Variants in GALC observed in about 807,000 individuals in gnomAD.
GALC encodes the protein galactosylceramidase, also known as galactocerebrosidase.
In GALC, 77 loss-of-function variants were observed where a neutral mutation model predicts 91.8. That is an observed-to-expected ratio of 0.84 (90% CI 0.70 to 1.01). GALC has a LOEUF of 1.01. Ranked by LOEUF, GALC falls within the 50% of genes least tolerant of loss-of-function variation. The pLI is 0.00. For synonymous variants in GALC, 357 were observed against 306.7 expected (o/e 1.16, Z -1.71); for missense variants, 882 against 855.9 (o/e 1.03, Z -0.38).
At chr14:87,985,991 T>C (rs1886952665) in intron 4 of GALC, among the ~76,000 whole-genome samples, 1 of 152,168 alleles carries the variant, frequency 6.6e-6, no homozygotes, top group African/African-American at 2.4e-5. Flanking sequence ...AAAAAACACT[T>C]TTGTATGTAC....
intron 6 of GALC, 124 bp from the exon 7 acceptor site, chr14:87,976,612 T>C: frequency 1.2e-6 from 1 of 807,044 alleles, no homozygotes; most frequent in Non-Finnish European, 2.0e-6. Flanking sequence ...TTCTTTTGTT[T>C]GTTTGTTTGT....
intron 12 of GALC, among the ~76,000 whole-genome samples, chr14:87,949,109 G>C (rs1052260973): frequency 1.1e-4 from 16 of 151,352 alleles, no homozygotes; most frequent in African/African-American, 3.7e-4. Flanking sequence ...TGGTGAGGAA[G>C]CGTCAGAGGA....
chr14:87,933,167 G>T lies in GALC; in HGVS notation c.*1565C>A, dbSNP rs528472380. On this transcript the variant is annotated 3_prime_UTR_variant, in exon 17 of 17. Coordinates refer to ENST00000261304, the MANE Select transcript of GALC (RefSeq NM_000153.4). ...ACAAATCTCAAATCATTATGCTGAT[G>T]GAAAGAAACCATTCATAAGAATACA... The T allele has an allele frequency of 1.3e-5, 2 of 152,356 alleles. No homozygotes were observed. Among genetic ancestry groups the T allele is most frequent in the African/African-American group, 4.8e-5 (2 of 41,536 alleles). 9.4% of individuals were successfully genotyped at this position (152,356 alleles called of 1,614,324 possible). A position where few individuals can be genotyped will look rare whatever the true frequency, so the allele number is the denominator to read the frequency against.
At chr14:87,982,274 T>A (rs538892693) in intron 5 of GALC, 31 bp from the exon 6 acceptor site, 2 of 1,484,130 alleles carry the variant, frequency 1.3e-6, no homozygotes, top group Non-Finnish European at 9.4e-7. Flanking sequence ...AAAGTCTGAA[T>A]TGAAAGTTAC....
chr14:87,987,835 A>G (rs1887036819), intron 3 of GALC: 1 of 234,592 alleles, frequency 4.3e-6, no homozygotes, highest in Non-Finnish European at 8.2e-6. Flanking sequence ...TAACTGCTCA[A>G]TAAAATTCAA....
chr14:87,987,933 T>A (rs1007699907), intron 3 of GALC: 1 of 557,350 alleles, frequency 1.8e-6, no homozygotes, highest in Non-Finnish European at 3.2e-6. Flanking sequence ...AATAAGCAAT[T>A]TGAAGTTTGA....
At chr14:87,954,210 C>T in intron 10 of GALC, 2 of 1,559,964 alleles carry the variant, frequency 1.3e-6, no homozygotes, top group Non-Finnish European at 8.8e-7. Flanking sequence ...TCCTCCGAGG[C>T]AGCCTCAGAG....
In GALC at chr14:87,984,424, A is replaced by T. The variant is rs1886881987; in HGVS notation, c.552T>A (p.Arg184=). The change falls in exon 5 of 17, where the codon CGT becomes CGA. Residue 184 remains arginine, a synonymous_variant. Transcript: ENST00000261304. ...TATAATCAATGTCCAAATCATGGTAACGCTTGGCGCCCACAATCCAGGTCA... is the reference window on the plus strand; with the variant it reads ...TATAATCAATGTCCAAATCATGGTATCGCTTGGCGCCCACAATCCAGGTCA... ...YVVTWIVGAK[R]YHDLDIDYIG... 6.2e-7 allele frequency: 1 copy of T among 1,614,096 alleles called. No individual in the cohort carries two copies. Among genetic ancestry groups the T allele is most frequent in the Non-Finnish European group, 8.5e-7 (1 of 1,179,942 alleles).
chr14:87,942,287 A>T (rs769823559), intron 14 of GALC, among the ~76,000 whole-genome samples: 1 of 151,996 alleles, frequency 6.6e-6, no homozygotes, highest in African/African-American at 2.4e-5. Context: ...CACTTGGAGG[A>T]CCATTTTCCC....
chr14:87,934,120 A>C lies in GALC; in HGVS notation c.*612T>G, dbSNP rs967897033. Reference sequence around the variant, plus strand: ...TATCTATTACTGCAGAAATAGTGTTAGAGGTAGTTTATTAAAGAGGCATTT... The same window carrying C: ...TATCTATTACTGCAGAAATAGTGTTCGAGGTAGTTTATTAAAGAGGCATTT... On this transcript the variant is annotated 3_prime_UTR_variant, in exon 17 of 17. Coordinates refer to ENST00000261304, the MANE Select transcript of GALC (RefSeq NM_000153.4). 12 of 1,455,350 alleles carry C rather than the reference A, an allele frequency of 8.2e-6. No individual in the cohort carries two copies. Among genetic ancestry groups the C allele is most frequent in the Non-Finnish European group, 1.1e-5 (12 of 1,100,574 alleles). 90.2% of individuals were successfully genotyped at this position (1,455,350 alleles called of 1,614,324 possible).
chr14:87,986,456 G>A, intron 4 of GALC, 33 bp downstream of exon 4: 1 of 1,290,040 alleles, frequency 7.8e-7, no homozygotes. Flanking sequence ...AAGGAAAAGA[G>A]ACTGAAGAAA....
intron 15 of GALC, 24 bp downstream of exon 15, chr14:87,941,371 T>C: frequency 7.5e-7 from 1 of 1,327,678 alleles, no homozygotes; most frequent in Non-Finnish European, 1.1e-6. Context: ...TCATATGCTA[T>C]TAAAAAAAAA....
In GALC at chr14:87,933,906, CAT is replaced by C. The variant is rs997684608; in HGVS notation, c.*824_*825del. ...GCTGTGTGAGTCTGTTACCAGTGCA[CAT>C]GTGAGGACAGACCACAGCACAGTGA... is the stretch of plus-strand genomic sequence containing the variant. On this transcript the variant is annotated 3_prime_UTR_variant, in exon 17 of 17. Coordinates refer to ENST00000261304, the MANE Select transcript of GALC (RefSeq NM_000153.4). The C allele has an allele frequency of 5.6e-6, 7 of 1,241,768 alleles. No individual in the cohort carries two copies. Among genetic ancestry groups the C allele is most frequent in the Non-Finnish European group, 8.0e-6 (7 of 879,844 alleles). The allele number at this position is 1,241,768 out of a possible 1,614,324, so 76.9% of individuals were successfully genotyped here. A position where few individuals can be genotyped will look rare whatever the true frequency, so the allele number is the denominator to read the frequency against.
Position 87,933,966 on chromosome 14 carries a change from G to A in GALC, c.*766C>T, listed in dbSNP as rs1387414399. 6.5e-7 allele frequency: 1 copy of A among 1,532,208 alleles called. No individual in the cohort carries two copies. Among genetic ancestry groups the A allele is most frequent in the Admixed American group, 2.0e-5 (1 of 50,936 alleles). The allele number at this position is 1,532,208 out of a possible 1,614,324, so 94.9% of individuals were successfully genotyped here. A position where few individuals can be genotyped will look rare whatever the true frequency, so the allele number is the denominator to read the frequency against. On this transcript the variant is annotated 3_prime_UTR_variant, in exon 17 of 17. Transcript: ENST00000261304. ...CTGAGGAAACGACTACAACAGCATT[G>A]GCTATATCAGGTTTTCTTCCTTCTT...
intron 1 of GALC, among the ~76,000 whole-genome samples, chr14:87,990,915 G>A (rs115065103): frequency 3.4e-3 from 525 of 152,276 alleles, no homozygotes; most frequent in African/African-American, 0.012. Flanking sequence ...TCATCATTCA[G>A]TGGCCTTGAA....
intron 12 of GALC, 141 bp from the exon 13 acceptor site, chr14:87,948,019 C>A (rs995625466): frequency 1.4e-6 from 1 of 702,594 alleles, no homozygotes; most frequent in Admixed American, 2.7e-5. Flanking sequence ...GGAAAACTCA[C>A]CAATATCAAG....
chr14:87,937,061 TG>T (rs1431511029), intron 16 of GALC, among the ~76,000 whole-genome samples: 4 of 151,772 alleles, frequency 2.6e-5, no homozygotes, highest in Admixed American at 6.6e-5. Flanking sequence ...GCAACAGAAC[TG>T]GGACAAGTCA....
intron 8 of GALC, among the ~76,000 whole-genome samples, chr14:87,966,777 C>G (rs553019867): frequency 2.6e-5 from 4 of 152,172 alleles, no homozygotes; most frequent in African/African-American, 9.6e-5. Context: ...AAGAATACAG[C>G]CTAAGAAAAT....
At chr14:87,964,607 C>T (rs1393876430) in intron 9 of GALC, among the ~76,000 whole-genome samples, 1 of 152,022 alleles carries the variant, frequency 6.6e-6, no homozygotes, top group Non-Finnish European at 1.5e-5. Flanking sequence ...TCTCAATTTC[C>T]CTTGTGACTA....
Sources: gnomAD v4.1 joint callset for allele counts (sites outside exome capture counted in the v4.1 genomes callset) on GRCh38, gnomAD v4.1.1 for gene constraint, MANE v1.5 for transcripts, NCBI Gene and HGNC (gene_info 2026-07-23, HGNC 2026-07-21) for gene names.